RBFOX1: variants seen among roughly 807,000 people sequenced by gnomAD.
RBFOX1 encodes the protein RNA binding protein fox-1 homolog 1.
In RBFOX1, 8 loss-of-function variants were observed where a neutral mutation model predicts 57.7. That is an observed-to-expected ratio of 0.14 (90% CI 0.08 to 0.25). The LOEUF (loss-of-function observed/expected upper bound fraction) is 0.25. Among genes scored for constraint, RBFOX1 ranks in the 10% least tolerant of loss-of-function variants. The probability of loss-of-function intolerance (pLI) is 1.00; values close to 1 mark genes in which losing one functional copy is unlikely to be tolerated. For missense variants in RBFOX1, 611 were observed against 548.5 expected (o/e 1.11, Z -1.14); for synonymous variants, 326 against 222.4 (o/e 1.47, Z -4.15).
chr16:7,562,448 A>G (rs2090612372), intron 5 of RBFOX1, among the ~76,000 whole-genome samples: 1 of 152,144 alleles, frequency 6.6e-6, no homozygotes. Context: ...GGAGAGTTGG[A>G]AGCAATGACC....
At chr16:7,274,936 G>T (rs371373197) in intron 4 of RBFOX1, among the ~76,000 whole-genome samples, 1 of 151,920 alleles carries the variant, frequency 6.6e-6, no homozygotes, top group Admixed American at 6.6e-5. Context: ...TGCCTGCCTC[G>T]GCCTCCCAAA....
chr16:6,854,837 G>T (rs183000787), intron 3 of RBFOX1, among the ~76,000 whole-genome samples: 1 of 151,874 alleles, frequency 6.6e-6, no homozygotes, highest in Non-Finnish European at 1.5e-5. Context: ...CTCGTGATCC[G>T]CCTGCCTCGG....
At chr16:5,289,383 GC>G in intron 1 of RBFOX1, 6 of 383,440 alleles carry the variant, frequency 1.6e-5, no homozygotes, top group South Asian at 3.6e-5. Flanking sequence ...TCATGGGAGG[GC>G]CCCCATATGG....
At chr16:6,190,417 C>G (rs974923199) in intron 1 of RBFOX1, among the ~76,000 whole-genome samples, 2 of 152,066 alleles carry the variant, frequency 1.3e-5, no homozygotes, top group Non-Finnish European at 2.9e-5. Context: ...ATGTTTGAAT[C>G]CTGGCTTTAT....
intron 1 of RBFOX1, among the ~76,000 whole-genome samples, chr16:6,156,383 A>T (rs1307046666): frequency 1.3e-5 from 2 of 152,216 alleles, no homozygotes; most frequent in East Asian, 1.9e-4. Flanking sequence ...GCTTTGACTG[A>T]TCGTAAAATG....
intron 1 of RBFOX1, among the ~76,000 whole-genome samples, chr16:5,404,102 A>G (rs761788828): frequency 2.7e-5 from 4 of 149,416 alleles, no homozygotes; most frequent in Non-Finnish European, 4.4e-5. Flanking sequence ...GCAGTGAGGG[A>G]GATGACAAAG....
At chr16:5,880,679 G>C (rs1383967473) in intron 4 of RBFOX1, among the ~76,000 whole-genome samples, 1 of 152,166 alleles carries the variant, frequency 6.6e-6, no homozygotes, top group Non-Finnish European at 1.5e-5. Context: ...GGATCCTGCA[G>C]ATCCTAGACT....
At chr16:6,923,418 A>C (rs2074920108) in intron 3 of RBFOX1, among the ~76,000 whole-genome samples, 2 of 152,180 alleles carry the variant, frequency 1.3e-5, no homozygotes, top group Admixed American at 6.5e-5. Flanking sequence ...TTGTAATTCC[A>C]GCTACTTGGA....
downstream of RBFOX1, among the ~76,000 whole-genome samples, chr16:5,603,746 C>T (rs1022395440): frequency 6.6e-6 from 1 of 152,112 alleles, no homozygotes; most frequent in Admixed American, 6.5e-5. Context: ...ACATTGCAGT[C>T]ATCTGTGATC....
intron 5 of RBFOX1, among the ~76,000 whole-genome samples, chr16:7,537,375 A>C (rs529309779): frequency 1.3e-5 from 2 of 152,312 alleles, no homozygotes; most frequent in Admixed American, 1.3e-4. Flanking sequence ...TCTGAGAGTG[A>C]CCATTGAGGA....
intron 4 of RBFOX1, among the ~76,000 whole-genome samples, chr16:5,978,025 G>A (rs1008736613): frequency 2.0e-5 from 3 of 147,612 alleles, no homozygotes; most frequent in Admixed American, 1.4e-4. Flanking sequence ...GGATAGCACC[G>A]CGCCCCCAGT....
intron 1 of RBFOX1, among the ~76,000 whole-genome samples, chr16:6,150,346 A>G (rs951248722): frequency 1.3e-5 from 2 of 152,176 alleles, no homozygotes; most frequent in Non-Finnish European, 2.9e-5. Context: ...AGGGCCTGGC[A>G]GAGAACCAGG....
At chr16:5,313,871 G>T (rs1489286392) in intron 1 of RBFOX1, among the ~76,000 whole-genome samples, 1 of 149,450 alleles carries the variant, frequency 6.7e-6, no homozygotes, top group Non-Finnish European at 1.5e-5. Flanking sequence ...CCATTTCAAA[G>T]ACTTATGGGT....
intron 3 of RBFOX1, among the ~76,000 whole-genome samples, chr16:5,728,069 G>A (rs2052220562): frequency 6.6e-6 from 1 of 152,104 alleles, no homozygotes; most frequent in South Asian, 2.1e-4. Context: ...CTGTTATCTG[G>A]CTTATTTCAC....
chr16:5,639,885 G>A (rs2048804658), intron 3 of RBFOX1, among the ~76,000 whole-genome samples: 1 of 152,280 alleles, frequency 6.6e-6, no homozygotes, highest in Non-Finnish European at 1.5e-5. Flanking sequence ...GATTAGTTAT[G>A]AGCTATTTTC....
chr16:6,418,049 C>G (rs552081661), intron 2 of RBFOX1, among the ~76,000 whole-genome samples: 2 of 152,324 alleles, frequency 1.3e-5, no homozygotes, highest in South Asian at 2.1e-4. Context: ...ACAAGTTATA[C>G]TGAACCCAGA....
intron 2 of RBFOX1, among the ~76,000 whole-genome samples, chr16:6,597,093 GTGTTC>G (rs1452598878): frequency 1.3e-5 from 2 of 152,138 alleles, no homozygotes; most frequent in African/African-American, 2.4e-5. Flanking sequence ...TAGAATTGCT[GTGTTC>G]TGTTCTTTTT....
chr16:5,581,419 G>C (rs752475300), intron 2 of RBFOX1, among the ~76,000 whole-genome samples: 1 of 152,222 alleles, frequency 6.6e-6, no homozygotes, highest in Non-Finnish European at 1.5e-5. Context: ...TTCCTGGAGG[G>C]AGAATCCAGT....
At chr16:7,158,278 G>A (rs34529082) in intron 4 of RBFOX1, among the ~76,000 whole-genome samples, 23,461 of 152,030 alleles carry the variant, frequency 0.15, 2,182 homozygotes, top group Non-Finnish European at 0.21. Context: ...ACTGGAAGGC[G>A]GAGGTTGCAG....
Sources: gnomAD v4.1 joint callset for allele counts (sites outside exome capture counted in the v4.1 genomes callset) on GRCh38, gnomAD v4.1.1 for gene constraint, MANE v1.5 for transcripts, NCBI Gene and HGNC (gene_info 2026-07-23, HGNC 2026-07-21) for gene names.